Variants in KLF8 observed in about 807,000 individuals in gnomAD.
The protein encoded by KLF8 is KLF transcription factor 8, also known as Krueppel-like factor 8.
In KLF8, 10 loss-of-function variants were observed where a neutral mutation model predicts 18.2. That is an observed-to-expected ratio of 0.55 (90% CI 0.34 to 0.93). KLF8 has a LOEUF of 0.93. KLF8 is among the 40% of genes least tolerant of loss of function. The pLI is 0.02. For synonymous variants in KLF8, 109 were observed against 97.3 expected (o/e 1.12, Z -0.71); for missense variants, 264 against 277.9 (o/e 0.95, Z 0.36).
the KLF8 span, among the ~76,000 whole-genome samples, chrX:55,966,138 T>A: frequency 8.9e-6 from 1 of 112,194 alleles, no homozygotes. Flanking sequence ...ACCAGTTAGA[T>A]CTCTAAGGTT....
At chrX:56,177,534 G>T in the KLF8 span, among the ~76,000 whole-genome samples, 37 of 111,118 alleles carry the variant, frequency 3.3e-4, no homozygotes, top group Non-Finnish European at 3.2e-4. Flanking sequence ...CTCCCAGTTA[G>T]GCTACTCGGG....
chrX:56,188,401 A>C, the KLF8 span, among the ~76,000 whole-genome samples: 115 of 111,837 alleles, frequency 1.0e-3, no homozygotes, highest in African/African-American at 3.5e-3. Context: ...ACATTCCATG[A>C]TCATGGGTAG....
chrX:56,012,586 T>A, the KLF8 span, among the ~76,000 whole-genome samples: 1 of 111,537 alleles, frequency 9.0e-6, no homozygotes, highest in East Asian at 2.8e-4. Flanking sequence ...GTATTGGAAG[T>A]TCTGGCCAGA....
At chrX:56,160,498 C>T in the KLF8 span, among the ~76,000 whole-genome samples, 2 of 111,178 alleles carry the variant, frequency 1.8e-5, no homozygotes, top group East Asian at 2.8e-4. Flanking sequence ...GTGTTAAAGT[C>T]TCCCATTACT....
chrX:55,944,572 G>A, the KLF8 span, among the ~76,000 whole-genome samples: 7 of 111,773 alleles, frequency 6.3e-5, no homozygotes, highest in African/African-American at 1.9e-4. Flanking sequence ...GGGTGTATGT[G>A]TCGAGGAATT....
chrX:56,060,549 G>T, the KLF8 span, among the ~76,000 whole-genome samples: 1 of 111,756 alleles, frequency 8.9e-6, no homozygotes, highest in South Asian at 3.7e-4. Context: ...CTTGATCATC[G>T]TGGATAAGCT....
At chrX:56,080,140 C>A in the KLF8 span, among the ~76,000 whole-genome samples, 1 of 110,720 alleles carries the variant, frequency 9.0e-6, no homozygotes, top group Non-Finnish European at 1.9e-5. Context: ...AGCATTTAGT[C>A]CATTTCCATT....
At chrX:56,063,831 C>T in the KLF8 span, among the ~76,000 whole-genome samples, 1 of 110,964 alleles carries the variant, frequency 9.0e-6, no homozygotes, top group Non-Finnish European at 1.9e-5. Flanking sequence ...GGGCTGCTGT[C>T]TTTCAGAGAT....
At chrX:56,241,865 G>A (rs1386621735) in intron 1 of KLF8, among the ~76,000 whole-genome samples, 1 of 112,271 alleles carries the variant, frequency 8.9e-6, no homozygotes, top group Admixed American at 9.5e-5. Flanking sequence ...TTCAAGGCAA[G>A]GGGACTGGTT....
At chrX:56,036,096 T>C in the KLF8 span, among the ~76,000 whole-genome samples, 1 of 111,830 alleles carries the variant, frequency 8.9e-6, no homozygotes, top group Admixed American at 9.5e-5. Context: ...TCATTTTTAA[T>C]TTATTTTATT....
the KLF8 span, among the ~76,000 whole-genome samples, chrX:56,158,547 G>T: frequency 1.8e-5 from 2 of 111,423 alleles, no homozygotes; most frequent in Non-Finnish European, 3.8e-5. Context: ...CCATTTGTTT[G>T]TATCCTCTTT....
chrX:56,112,133 C>G, the KLF8 span, among the ~76,000 whole-genome samples: 1 of 111,928 alleles, frequency 8.9e-6, no homozygotes, highest in African/African-American at 3.2e-5. Context: ...GCATATACAC[C>G]ATGGAATACT....
chrX:56,001,651 A>G, the KLF8 span, among the ~76,000 whole-genome samples: 1 of 111,853 alleles, frequency 8.9e-6, no homozygotes, highest in Non-Finnish European at 1.9e-5. Context: ...CACTGGGTAC[A>G]TTGCCTCAGT....
the KLF8 span, among the ~76,000 whole-genome samples, chrX:56,181,415 C>A: frequency 9.0e-6 from 1 of 111,601 alleles, no homozygotes; most frequent in Non-Finnish European, 1.9e-5. Context: ...GACTCTTTAT[C>A]CAATTTGCCA....
At chrX:56,177,078 G>T in the KLF8 span, among the ~76,000 whole-genome samples, 4 of 110,448 alleles carry the variant, frequency 3.6e-5, no homozygotes, top group East Asian at 1.1e-3. Context: ...TAGTTTGATC[G>T]TCTGAAGCCT....
the KLF8 span, among the ~76,000 whole-genome samples, chrX:56,094,719 A>G: frequency 9.0e-6 from 1 of 111,660 alleles, no homozygotes; most frequent in Non-Finnish European, 1.9e-5. Flanking sequence ...GTACAATTTA[A>G]CAAATTTAAA....
chrX:55,986,117 G>A, the KLF8 span, among the ~76,000 whole-genome samples: 3 of 111,003 alleles, frequency 2.7e-5, no homozygotes, highest in Non-Finnish European at 3.8e-5. Context: ...CTTTATATTC[G>A]AATACCTTTA....
At chrX:55,947,972 C>T in the KLF8 span, among the ~76,000 whole-genome samples, 1 of 112,036 alleles carries the variant, frequency 8.9e-6, no homozygotes, top group East Asian at 2.8e-4. Flanking sequence ...GCCAATAACT[C>T]AGTCCATTAT....
the KLF8 span, among the ~76,000 whole-genome samples, chrX:56,128,963 CAG>C: frequency 3.0e-5 from 2 of 65,871 alleles, no homozygotes; most frequent in African/African-American, 6.9e-5. Context: ...AAAGTGTAAT[CAG>C]GGAGAGAGAG....
Sources: gnomAD v4.1 joint callset for allele counts (sites outside exome capture counted in the v4.1 genomes callset) on GRCh38, gnomAD v4.1.1 for gene constraint, MANE v1.5 for transcripts, NCBI Gene and HGNC (gene_info 2026-07-23, HGNC 2026-07-21) for gene names.